The following MACROD2 variants were observed in gnomAD, a reference collection of about 807,000 sequenced individuals.
MACROD2 encodes mono-ADP ribosylhydrolase 2.
Under a neutral mutation model 70.4 loss-of-function variants are expected in MACROD2, and 36 were observed. The ratio of observed to expected loss-of-function variants is 0.51; its 90% CI spans 0.39 to 0.68. The LOEUF (loss-of-function observed/expected upper bound fraction) is 0.68, where lower values mean the gene tolerates loss of function less well. Ranked by LOEUF, MACROD2 falls within the 30% of genes least tolerant of loss-of-function variation. The pLI is 0.00. For synonymous variants in MACROD2, 172 were observed against 178.8 expected (o/e 0.96, Z 0.30); for missense variants, 496 against 538.4 (o/e 0.92, Z 0.78).
chr20:15,281,758 C>T (rs1186048010), intron 6 of MACROD2, among the ~76,000 whole-genome samples: 4 of 152,188 alleles, frequency 2.6e-5, no homozygotes, highest in African/African-American at 9.6e-5. Context: ...GTGGATCTAC[C>T]ATTCTGGGGT....
At chr20:15,297,154 A>T (rs1011120507) in intron 6 of MACROD2, among the ~76,000 whole-genome samples, 1 of 152,094 alleles carries the variant, frequency 6.6e-6, no homozygotes, top group Non-Finnish European at 1.5e-5. Flanking sequence ...TAAAATGTTT[A>T]TTGCAGATTG....
chr20:15,032,683 TAAAC>T (rs1017330376), intron 5 of MACROD2, among the ~76,000 whole-genome samples: 26 of 152,314 alleles, frequency 1.7e-4, no homozygotes, highest in African/African-American at 5.3e-4. Flanking sequence ...CTCAAAAAGT[TAAAC>T]AAAGAATTGC....
intron 5 of MACROD2, among the ~76,000 whole-genome samples, chr20:14,833,434 A>C (rs1266660283): frequency 2.0e-5 from 3 of 152,126 alleles, no homozygotes; most frequent in Non-Finnish European, 4.4e-5. Flanking sequence ...CACAGGAGGC[A>C]CAAAGTACCC....
At chr20:14,179,200 TCTTGTGG>T (rs2081287871) in intron 3 of MACROD2, among the ~76,000 whole-genome samples, 2 of 152,166 alleles carry the variant, frequency 1.3e-5, no homozygotes, top group Admixed American at 1.3e-4. Context: ...GAGCATAGTC[TCTTGTGG>T]GATGTCATAT....
chr20:15,893,617 C>G (rs1165417243), intron 10 of MACROD2: 1 of 432,672 alleles, frequency 2.3e-6, no homozygotes, highest in Non-Finnish European at 4.6e-6. Flanking sequence ...ATGAGATGTT[C>G]TTTTCATGTG....
intron 8 of MACROD2, among the ~76,000 whole-genome samples, chr20:15,559,136 A>C (rs903357554): frequency 6.8e-6 from 1 of 146,276 alleles, no homozygotes; most frequent in African/African-American, 2.5e-5. Context: ...CTGAGGCAGG[A>C]GAATGGCGTG....
At chr20:15,909,903 G>A (rs1009335283) in intron 10 of MACROD2, among the ~76,000 whole-genome samples, 17 of 152,076 alleles carry the variant, frequency 1.1e-4, no homozygotes, top group Admixed American at 2.0e-4. Context: ...AAAACAAGCA[G>A]AGATAGGAAG....
At chr20:14,730,635 C>G (rs2071584037) in intron 5 of MACROD2, among the ~76,000 whole-genome samples, 1 of 151,988 alleles carries the variant, frequency 6.6e-6, no homozygotes, top group African/African-American at 2.4e-5. Context: ...TTATGCACTT[C>G]AAGAAGAGAA....
At chr20:14,247,498 A>G (rs1156915967) in intron 3 of MACROD2, among the ~76,000 whole-genome samples, 3 of 152,312 alleles carry the variant, frequency 2.0e-5, no homozygotes, top group South Asian at 2.1e-4. Context: ...CCTTTATTTT[A>G]TTTAGCATAG....
chr20:15,267,458 G>A (rs1219558076), intron 6 of MACROD2, among the ~76,000 whole-genome samples: 1 of 152,076 alleles, frequency 6.6e-6, no homozygotes, highest in Admixed American at 6.6e-5. Flanking sequence ...ACTGGCACAA[G>A]ATAGGAGCTC....
intron 4 of MACROD2, among the ~76,000 whole-genome samples, chr20:14,555,935 C>G (rs978026521): frequency 7.9e-5 from 12 of 152,062 alleles, no homozygotes; most frequent in African/African-American, 2.9e-4. Flanking sequence ...TTAAAATCTT[C>G]TACTCAGCTG....
chr20:14,264,155 A>G (rs1000426771), intron 3 of MACROD2, among the ~76,000 whole-genome samples: 3 of 82,630 alleles, frequency 3.6e-5, no homozygotes, highest in African/African-American at 1.5e-4. Flanking sequence ...GATCCATTTC[A>G]TTTCTAGACA....
intron 3 of MACROD2, among the ~76,000 whole-genome samples, chr20:14,474,207 G>T (rs116305456): frequency 6.6e-6 from 1 of 151,348 alleles, no homozygotes; most frequent in Admixed American, 6.6e-5. Context: ...TTTTATTTTC[G>T]TTGCCTGTGA....
intron 4 of MACROD2, among the ~76,000 whole-genome samples, chr20:14,669,034 G>T (rs544186870): frequency 2.0e-5 from 3 of 152,088 alleles, no homozygotes; most frequent in African/African-American, 4.8e-5. Flanking sequence ...TAATTGTATT[G>T]CTTGACAAAG....
At chr20:15,507,081 A>G (rs537574910) in intron 8 of MACROD2, among the ~76,000 whole-genome samples, 71 of 152,358 alleles carry the variant, frequency 4.7e-4, no homozygotes, top group African/African-American at 1.6e-3. Context: ...TGTGTCGTTC[A>G]GGTGGAGCCA....
At chr20:14,038,680 A>G (rs983628487) in intron 2 of MACROD2, among the ~76,000 whole-genome samples, 1 of 152,218 alleles carries the variant, frequency 6.6e-6, no homozygotes, top group African/African-American at 2.4e-5. Context: ...ATAATTCATA[A>G]TGCCATGATG....
intron 4 of MACROD2, among the ~76,000 whole-genome samples, chr20:14,664,055 CTT>C (rs1282056590): frequency 2.6e-5 from 4 of 152,024 alleles, no homozygotes; most frequent in Non-Finnish European, 4.4e-5. Context: ...AGTATTGTCT[CTT>C]TTTTTCACTG....
At chr20:14,685,004 A>T (rs1319275210) in intron 5 of MACROD2, 45 bp downstream of exon 5, 1 of 1,461,016 alleles carries the variant, frequency 6.8e-7, no homozygotes, top group Admixed American at 1.7e-5. Context: ...GAGACATCTT[A>T]ACTTGTTTTA....
At chr20:14,737,260 A>G (rs1323684223) in intron 5 of MACROD2, among the ~76,000 whole-genome samples, 1 of 152,118 alleles carries the variant, frequency 6.6e-6, no homozygotes, top group Non-Finnish European at 1.5e-5. Context: ...AGCATCATCC[A>G]TGTCCCTGCA....
Sources: allele counts gnomAD v4.1 joint callset (sites outside exome capture counted in the v4.1 genomes callset), GRCh38; gene constraint gnomAD v4.1.1; transcripts MANE v1.5; gene names NCBI Gene and HGNC (gene_info 2026-07-23, HGNC 2026-07-21).